Variants in OVGP1 observed in about 807,000 individuals in gnomAD.
The protein encoded by OVGP1 is oviduct-specific glycoprotein.
OVGP1 carries 26 observed loss-of-function variants against 48.2 expected under a neutral mutation model. The ratio of observed to expected loss-of-function variants is 0.54; its 90% CI spans 0.40 to 0.75. The LOEUF (loss-of-function observed/expected upper bound fraction) is 0.75, where lower values mean the gene tolerates loss of function less well. Among genes scored for constraint, OVGP1 ranks in the 30% least tolerant of loss-of-function variants. OVGP1 has a pLI of 0.00. For missense variants in OVGP1, 791 were observed against 820.6 expected (o/e 0.96, Z 0.44); for synonymous variants, 294 against 305.7 (o/e 0.96, Z 0.40).
chr1:111,424,079 C>T (rs1052723914), intron 4 of OVGP1, among the ~76,000 whole-genome samples: 8 of 152,214 alleles, frequency 5.3e-5, no homozygotes, highest in Non-Finnish European at 8.8e-5. Flanking sequence ...TCTGTGCTGT[C>T]TCCTCATAGG....
intron 8 of OVGP1, 61 bp downstream of exon 8, chr1:111,421,215 T>TCTCCCACCCCC: frequency 6.7e-7 from 1 of 1,503,076 alleles, no homozygotes; most frequent in Non-Finnish European, 9.0e-7. Context: ...TGTCCTGGCC[T>TCTCCCACCCCC]TTGCTCCAGC....
Position 111,427,072 on chromosome 1 carries a change from T to C in OVGP1, c.45A>G (p.Lys15=). 6.2e-7 allele frequency: 1 copy of C among 1,614,042 alleles called. No individual in the cohort carries two copies. The highest frequency in any genetic ancestry group is 8.5e-7 in the Non-Finnish European group (1 of 1,179,980). ...ACACAGTTTCCTTACCATCGTGGTG[T>C]TTCAGCACAAGAACCAGCCCTGTGA... ...LLWVGLVLVL[K]HHDGAAHKLV... is the part of the protein sequence containing the mutation. The change falls in exon 2 of 11, where the codon AAA becomes AAG. Residue 15 remains lysine, a synonymous_variant. Transcript: ENST00000369732.
intron 5 of OVGP1, 132 bp from the exon 6 acceptor site, chr1:111,423,183 G>T: frequency 1.9e-6 from 2 of 1,063,372 alleles, no homozygotes; most frequent in Non-Finnish European, 2.8e-6. Context: ...TTGGACATGG[G>T]CCATGCCACA....
intron 9 of OVGP1, among the ~76,000 whole-genome samples, chr1:111,418,470 G>A (rs1390990003): frequency 1.3e-5 from 2 of 152,336 alleles, no homozygotes; most frequent in East Asian, 1.9e-4. Flanking sequence ...GCACAGAGGA[G>A]CTACGCAGTG....
intron 8 of OVGP1, among the ~76,000 whole-genome samples, chr1:111,420,514 G>T (rs1652240985): frequency 6.6e-6 from 1 of 152,202 alleles, no homozygotes; most frequent in African/African-American, 2.4e-5. Context: ...CTGTCCCTCT[G>T]TACCTGCTGT....
chr1:111,423,068 A>ATT lies in OVGP1; in HGVS notation c.484-18_484-17insAA. On this transcript the variant is annotated splice_polypyrimidine_tract_variant and intron_variant, in intron 5 of 10. Coordinates refer to ENST00000369732, the MANE Select transcript of OVGP1 (RefSeq NM_002557.4). ...CAGGAGCTCCTAAGAGGAAAGACAGAAAGACACAGAGAACTGGACAAACAG... is the reference window on the plus strand; with the variant it reads ...CAGGAGCTCCTAAGAGGAAAGACAGATTAAGACACAGAGAACTGGACAAACAG... The ATT allele has an allele frequency of 1.2e-6, 2 of 1,613,712 alleles. No individual in the cohort carries two copies. The highest frequency in any genetic ancestry group is 1.7e-6 in the Non-Finnish European group (2 of 1,179,920).
intron 10 of OVGP1, 63 bp downstream of exon 10, chr1:111,416,260 G>C: frequency 7.1e-7 from 1 of 1,418,088 alleles, no homozygotes; most frequent in Admixed American, 2.3e-5. Flanking sequence ...TCTAGCAGAA[G>C]GGCCTTACCC....
rs747989605 is a variant in OVGP1 at position 111,416,363 on chromosome 1, GA to G, written c.1115del (p.Phe372SerfsTer7). 1.2e-6 allele frequency: 2 copies of G among 1,606,318 alleles called. No individual in the cohort carries two copies. Among genetic ancestry groups the G allele is most frequent in the South Asian group, 2.3e-5 (2 of 88,736 alleles). The part of the protein sequence containing the change: ...VRGTFCGTGP[F>X]PLVYVLNDIL... ...TATCATTCAATACGTAGACAAGGGG[GA>G]AAGGGCCAGTGCCACAGAACGTGCC... On this transcript the variant is annotated frameshift_variant, in exon 10 of 11. Transcript: ENST00000369732. LOFTEE classifies it low-confidence loss of function (END_TRUNC).
rs1352235204 is a variant in OVGP1 at position 111,421,272 on chromosome 1, T to A, written c.903+4A>T. On this transcript the variant is annotated splice_donor_region_variant and intron_variant, in intron 8 of 10. Coordinates refer to ENST00000369732, the MANE Select transcript of OVGP1 (RefSeq NM_002557.4). ...TGCTAGACAGAGACTGATATTCCCA[T>A]CACCTCAAAATAAGCCAAGAAGCCT... 1.3e-6 allele frequency: 2 copies of A among 1,594,816 alleles called. No individual in the cohort carries two copies. The highest frequency in any genetic ancestry group is 1.7e-6 in the Non-Finnish European group (2 of 1,171,394).
At chr1:111,416,145 G>C (rs1022917832) in intron 10 of OVGP1, among the ~76,000 whole-genome samples, 178 bp downstream of exon 10, 1 of 152,136 alleles carries the variant, frequency 6.6e-6, no homozygotes, top group African/African-American at 2.4e-5. Flanking sequence ...AGCTCAAAGA[G>C]GTCAAATAAG....
intron 1 of OVGP1, 191 bp from the exon 2 acceptor site, chr1:111,427,282 A>G (rs1423149964): frequency 1.0e-6 from 1 of 985,408 alleles, no homozygotes. Context: ...GGAGCTAGAT[A>G]TAAGTTCCTT....
intron 9 of OVGP1, 89 bp downstream of exon 9, chr1:111,419,521 C>A: frequency 2.5e-6 from 2 of 793,950 alleles, no homozygotes; most frequent in Non-Finnish European, 4.5e-6. Context: ...ACTCTCCACC[C>A]AATACACATA....
rs760796688 is a variant in OVGP1, at chr1:111,421,366, T to C, written c.813A>G (p.Lys271=). ...TGGCCTGCAACCCATTCTTAGAGGC[T>C]TTGAGGAGGCGAAAGGTACGTCCAT... is the stretch of plus-strand genomic sequence containing the variant. ...PTYGRTFRLL[K]ASKNGLQARA... The change falls in exon 8 of 11, where the codon AAA becomes AAG. Residue 271 remains lysine, a synonymous_variant. Coordinates refer to ENST00000369732, the MANE Select transcript of OVGP1 (RefSeq NM_002557.4). 1.9e-6 allele frequency: 3 copies of C among 1,614,156 alleles called. No individual in the cohort carries two copies. In the South Asian group the frequency reaches 3.3e-5, roughly 18 times the overall value.
chr1:111,423,704 T>C lies in OVGP1; in HGVS notation c.322A>G (p.Thr108Ala). 1 of 1,613,670 alleles carries C rather than the reference T, an allele frequency of 6.2e-7. No homozygotes were observed. The highest frequency in any genetic ancestry group is 2.2e-5 in the East Asian group (1 of 44,864). ...GGWNFGTSRF[T>A]TMLSTFANRE... ...TTGGCAAATGTGGACAACATAGTGG[T>C]GAATCTGTAGGGAGACCAGGGGTAA... Residue 108 changes from threonine (T) to alanine (A), a missense_variant, in exon 5 of 11, where the codon ACC becomes GCC. Physicochemically the swap from Thr to Ala is moderately conservative, Grantham distance 58 (BLOSUM62 0). Coordinates refer to ENST00000369732, the MANE Select transcript of OVGP1 (RefSeq NM_002557.4).
At chr1:111,424,027 C>A (rs1398948396) in intron 4 of OVGP1, among the ~76,000 whole-genome samples, 2 of 152,218 alleles carry the variant, frequency 1.3e-5, no homozygotes, top group East Asian at 3.8e-4. Context: ...TCCAGCTCTG[C>A]CCCCAAAACA....
chr1:111,415,887 C>T (rs537794206), intron 10 of OVGP1, among the ~76,000 whole-genome samples: 4 of 152,248 alleles, frequency 2.6e-5, no homozygotes, highest in South Asian at 2.1e-4. Context: ...ATAAACCATC[C>T]GTAAGGATGC....
chr1:111,414,880 TCACAGACTGATGACTCACAGGGG>T lies in OVGP1; in HGVS notation c.1598_1620del (p.Thr533LysfsTer15), dbSNP rs2101720874. ...GGGGTCATAGTCGTTCCTCCAGGGC[TCACAGACTGATGACTCACAGGGG>T]TCACAGACTGATGACCCACAGGGGT... On this transcript the variant is annotated frameshift_variant, in exon 11 of 11. Coordinates refer to ENST00000369732, the MANE Select transcript of OVGP1 (RefSeq NM_002557.4). LOFTEE classifies it low-confidence loss of function (END_TRUNC). 4.0e-6 allele frequency: 3 copies of T among 748,150 alleles called. No homozygotes were observed. The allele number at this position is 748,150 out of a possible 1,614,324, so 46.3% of individuals were successfully genotyped here.
At chr1:111,425,619 A>C (rs1652380209) in intron 3 of OVGP1, 180 bp from the exon 4 acceptor site, 2 of 1,175,220 alleles carry the variant, frequency 1.7e-6, no homozygotes, top group Non-Finnish European at 2.4e-6. Context: ...GAGAGGAGGA[A>C]AGACAGAGAG....
At chr1:111,415,726 A>G (rs1385507248) in intron 10 of OVGP1, among the ~76,000 whole-genome samples, 1 of 152,204 alleles carries the variant, frequency 6.6e-6, no homozygotes, top group African/African-American at 2.4e-5. Context: ...CTCAAGGAGA[A>G]GCTTCTTATG....
Sources: gnomAD v4.1 joint callset for allele counts (sites outside exome capture counted in the v4.1 genomes callset) on GRCh38, gnomAD v4.1.1 for gene constraint, MANE v1.5 for transcripts, NCBI Gene and HGNC (gene_info 2026-07-23, HGNC 2026-07-21) for gene names.